SCFD2: variants seen among roughly 807,000 people sequenced by gnomAD.
The protein encoded by SCFD2 is sec1 family domain-containing protein 2.
SCFD2 carries 54 observed loss-of-function variants against 58.9 expected under a neutral mutation model. The observed-to-expected ratio is 0.92, with a 90% CI of 0.74 to 1.15. The LOEUF is 1.15. Among genes scored for constraint, SCFD2 ranks in the 50% most tolerant of loss-of-function variants. SCFD2 has a pLI of 0.00. For synonymous variants in SCFD2, 321 were observed against 335.9 expected (o/e 0.96, Z 0.49); for missense variants, 805 against 836.6 (o/e 0.96, Z 0.47).
chr4:53,139,216 C>T (rs181508741), intron 5 of SCFD2, among the ~76,000 whole-genome samples: 4,347 of 152,232 alleles, frequency 0.029, 102 homozygotes, highest in Non-Finnish European at 0.043. Flanking sequence ...TCTCAGCTGG[C>T]TACAACCTCC....
chr4:53,173,562 T>C (rs1727241568), intron 4 of SCFD2, among the ~76,000 whole-genome samples: 1 of 152,146 alleles, frequency 6.6e-6, no homozygotes, highest in Non-Finnish European at 1.5e-5. Context: ...TATTGGAAAA[T>C]CTAATCAATT....
At chr4:53,298,762 T>C (rs934728727) in intron 3 of SCFD2, among the ~76,000 whole-genome samples, 1 of 152,010 alleles carries the variant, frequency 6.6e-6, no homozygotes, top group Non-Finnish European at 1.5e-5. Context: ...AGAGGAACGA[T>C]CAGGCAGCAG....
intron 4 of SCFD2, among the ~76,000 whole-genome samples, chr4:53,218,195 G>A (rs536138642): frequency 6.6e-6 from 1 of 152,278 alleles, no homozygotes; most frequent in Non-Finnish European, 1.5e-5. Flanking sequence ...GGCCTGCCTT[G>A]CTAGATTGGG....
intron 4 of SCFD2, among the ~76,000 whole-genome samples, chr4:53,160,132 G>A (rs1311131060): frequency 1.3e-5 from 2 of 152,200 alleles, no homozygotes; most frequent in Non-Finnish European, 2.9e-5. Flanking sequence ...AATGGAAACA[G>A]AAGAGTGGTA....
At chr4:53,127,584 T>C (rs1725664306) in intron 5 of SCFD2, among the ~76,000 whole-genome samples, 1 of 152,200 alleles carries the variant, frequency 6.6e-6, no homozygotes, top group East Asian at 1.9e-4. Context: ...TGAGCTGGTC[T>C]GGAGGTTCAG....
chr4:52,987,595 G>A (rs1721525360), intron 5 of SCFD2, among the ~76,000 whole-genome samples: 2 of 152,164 alleles, frequency 1.3e-5, no homozygotes, highest in South Asian at 4.1e-4. Context: ...AAAGAAAGGG[G>A]AGAGTAGAGG....
At chr4:53,160,334 G>A (rs1480881355) in intron 4 of SCFD2, among the ~76,000 whole-genome samples, 1 of 152,208 alleles carries the variant, frequency 6.6e-6, no homozygotes, top group Non-Finnish European at 1.5e-5. Context: ...TAGGCAGGGA[G>A]ACAGGAAGCA....
intron 4 of SCFD2, among the ~76,000 whole-genome samples, chr4:53,159,885 G>T (rs546024942): frequency 6.6e-6 from 1 of 152,128 alleles, no homozygotes; most frequent in East Asian, 1.9e-4. Context: ...GCAGTATTTT[G>T]TATGTATACC....
intron 5 of SCFD2, among the ~76,000 whole-genome samples, chr4:52,961,690 C>T (rs2109541313): frequency 6.6e-6 from 1 of 152,224 alleles, no homozygotes; most frequent in Non-Finnish European, 1.5e-5. Context: ...CAAGAGATGC[C>T]ACTGACGACT....
chr4:53,018,171 C>T (rs1722258377), intron 5 of SCFD2, among the ~76,000 whole-genome samples: 1 of 152,088 alleles, frequency 6.6e-6, no homozygotes, highest in African/African-American at 2.4e-5. Context: ...CATGATAGGG[C>T]CTGACACTCA....
intron 4 of SCFD2, among the ~76,000 whole-genome samples, chr4:53,213,721 A>G (rs1311136186): frequency 6.6e-6 from 1 of 152,084 alleles, no homozygotes; most frequent in East Asian, 1.9e-4. Flanking sequence ...TTAGTTACAT[A>G]TGTATACATG....
intron 5 of SCFD2, among the ~76,000 whole-genome samples, chr4:53,097,900 A>C (rs1354555117): frequency 1.3e-5 from 2 of 152,146 alleles, no homozygotes; most frequent in African/African-American, 4.8e-5. Flanking sequence ...ATCAATACTT[A>C]ATTTATTGAG....
intron 5 of SCFD2, among the ~76,000 whole-genome samples, chr4:53,102,644 A>G (rs1015490356): frequency 1.5e-4 from 23 of 152,106 alleles, no homozygotes; most frequent in African/African-American, 4.3e-4. Context: ...ATTTTACATA[A>G]AAGGAAAATT....
rs189347884 is a variant in SCFD2 at position 53,014,939 on chromosome 4, T to C, written c.1562-94069A>G. Among the ~76,000 whole-genome samples, 377 of 152,342 alleles carry C rather than the reference T, an allele frequency of 2.5e-3. 3 individuals are homozygous for C. Among genetic ancestry groups the C allele is most frequent in the African/African-American group, 8.7e-3 (360 of 41,584 alleles). On this transcript the variant is annotated intron_variant, in intron 5 of 8. Transcript: ENST00000401642. Reference sequence around the variant, plus strand: ...AACTCAGCATTCCCTGTTATAAGGGTACATAGAAATATTTTTGAATTTATA... The same window carrying C: ...AACTCAGCATTCCCTGTTATAAGGGCACATAGAAATATTTTTGAATTTATA...
intron 4 of SCFD2, among the ~76,000 whole-genome samples, chr4:53,155,986 C>CAGCG (rs1726668062): frequency 6.6e-6 from 1 of 152,184 alleles, no homozygotes; most frequent in South Asian, 2.1e-4. Flanking sequence ...CAGATAAAGG[C>CAGCG]AGCGGCTCCA....
At chr4:53,042,504 A>T (rs186266359) in intron 5 of SCFD2, among the ~76,000 whole-genome samples, 153 of 152,242 alleles carry the variant, frequency 1.0e-3, no homozygotes, top group African/African-American at 3.6e-3. Flanking sequence ...AGAAAAAGGA[A>T]ATATGTACTG....
intron 5 of SCFD2, among the ~76,000 whole-genome samples, chr4:52,973,047 T>C (rs1721149433): frequency 6.6e-6 from 1 of 152,152 alleles, no homozygotes; most frequent in Admixed American, 6.5e-5. Flanking sequence ...TAGCACTAAA[T>C]GCCCACAAGA....
chr4:52,911,845 C>G (rs1374530246), intron 6 of SCFD2, among the ~76,000 whole-genome samples: 1 of 152,160 alleles, frequency 6.6e-6, no homozygotes, highest in African/African-American at 2.4e-5. Flanking sequence ...CACTTCTGTG[C>G]TTTGCCAGCT....
Position 53,115,266 on chromosome 4 carries a change from T to C in SCFD2, c.1561+30067A>G, listed in dbSNP as rs554436659. Among the ~76,000 whole-genome samples, 468 of 152,190 alleles carry C rather than the reference T, an allele frequency of 3.1e-3. 1 individual carries two copies. Among genetic ancestry groups the C allele is most frequent in the African/African-American group, 0.01 (434 of 41,560 alleles). On this transcript the variant is annotated intron_variant, in intron 5 of 8. Coordinates refer to ENST00000401642, the MANE Select transcript of SCFD2 (RefSeq NM_152540.4). ...CACAAGAAGGAGAAAACAGTACAGT[T>C]AGGAGATTTAGAAACACTAATTCAA...
Sources: allele counts gnomAD v4.1 joint callset (sites outside exome capture counted in the v4.1 genomes callset), GRCh38; gene constraint gnomAD v4.1.1; transcripts MANE v1.5; gene names NCBI Gene and HGNC (gene_info 2026-07-23, HGNC 2026-07-21).